UIMC1: variants seen among roughly 807,000 people sequenced by gnomAD.
The protein encoded by UIMC1 is ubiquitin interaction motif containing 1.
A neutral mutation model predicts 84.9 loss-of-function variants in UIMC1; 42 were observed. That is an observed-to-expected ratio of 0.49 (90% CI 0.39 to 0.64). UIMC1 has a LOEUF of 0.64. Among genes scored for constraint, UIMC1 ranks in the 30% least tolerant of loss-of-function variants. The probability of loss-of-function intolerance (pLI) is 0.00; values close to 1 mark genes in which losing one functional copy is unlikely to be tolerated. For synonymous variants in UIMC1, 281 were observed against 293.0 expected (o/e 0.96, Z 0.42); for missense variants, 825 against 847.6 (o/e 0.97, Z 0.33).
At chr5:176,953,530 A>ACACACACACACACACC (rs1486168664) in intron 8 of UIMC1, among the ~76,000 whole-genome samples, 25 of 151,198 alleles carry the variant, frequency 1.7e-4, no homozygotes, top group African/African-American at 5.8e-4. Context: ...ACACACACAC[A>ACACACACACACACACC]CCTTATTGGA....
rs552391441 is a variant in UIMC1 at position 176,941,708 on chromosome 5, G to C, written c.1597+1627C>G. Among the ~76,000 whole-genome samples the C allele has an allele frequency of 5.9e-4, 90 of 152,270 alleles. 1 individual carries two copies. The highest frequency in any genetic ancestry group is 2.0e-3 in the African/African-American group (85 of 41,560). The stretch of plus-strand genomic sequence containing the variant: ...TACATTCAGCATGTTAGACCACAGA[G>C]AGCTGTGCTGACATGACTATATTTA... On this transcript the variant is annotated intron_variant, in intron 10 of 14. Coordinates refer to ENST00000511320, the MANE Select transcript of UIMC1 (RefSeq NM_001199298.2).
At chr5:177,007,623 TTATA>T (rs1775415286), upstream of UIMC1, among the ~76,000 whole-genome samples, 1 of 152,168 alleles carries the variant, frequency 6.6e-6, no homozygotes, top group African/African-American at 2.4e-5. Flanking sequence ...GTGAAATGAT[TTATA>T]TAAATTTAAA....
At chr5:176,954,221 T>A (rs1300888423) in intron 8 of UIMC1, among the ~76,000 whole-genome samples, 1 of 152,196 alleles carries the variant, frequency 6.6e-6, no homozygotes, top group Non-Finnish European at 1.5e-5. Flanking sequence ...CAAGATCCCA[T>A]GGTGATGTCA....
At position 176,941,907 on chromosome 5, in the gene UIMC1, G is replaced by A. The variant is rs185970522; in HGVS notation, c.1597+1428C>T. Reference sequence around the variant, plus strand: ...TGCCCAGGCTGGAGTGCAATGGCACGATCTCGGCTCATTACAACCTCTGCC... The same window carrying A: ...TGCCCAGGCTGGAGTGCAATGGCACAATCTCGGCTCATTACAACCTCTGCC... On this transcript the variant is annotated intron_variant, in intron 10 of 14. Coordinates refer to ENST00000511320, the MANE Select transcript of UIMC1 (RefSeq NM_001199298.2). 1.1e-4 allele frequency among the ~76,000 whole-genome samples: 16 copies of A among 152,076 alleles called. No individual in the cohort carries two copies. In the East Asian group the frequency reaches 2.1e-3, roughly 20 times the overall value.
At chr5:176,912,497 A>C (rs1426301946) in intron 10 of UIMC1, among the ~76,000 whole-genome samples, 1 of 143,910 alleles carries the variant, frequency 6.9e-6, no homozygotes, top group Middle Eastern at 3.4e-3. Context: ...TTTGAGACAT[A>C]GTCTCACTCT....
At chr5:176,988,316 TA>T (rs950701364) in intron 1 of UIMC1, among the ~76,000 whole-genome samples, 2 of 152,014 alleles carry the variant, frequency 1.3e-5, no homozygotes, top group Admixed American at 6.6e-5. Flanking sequence ...TGATAGGATG[TA>T]AAATGGTGTA....
intron 1 of UIMC1, among the ~76,000 whole-genome samples, chr5:176,985,981 G>A (rs1030732150): frequency 6.6e-6 from 1 of 152,116 alleles, no homozygotes; most frequent in African/African-American, 2.4e-5. Context: ...GCTGGGCGCA[G>A]TGGCTCACCC....
chr5:176,922,265 T>C (rs1304790622), intron 10 of UIMC1, among the ~76,000 whole-genome samples: 1 of 152,250 alleles, frequency 6.6e-6, no homozygotes, highest in African/African-American at 2.4e-5. Context: ...GTATCTGCGT[T>C]ATAGTTGCTG....
intron 2 of UIMC1, among the ~76,000 whole-genome samples, chr5:176,979,278 G>T (rs1426161842): frequency 1.3e-5 from 2 of 152,168 alleles, no homozygotes; most frequent in African/African-American, 4.8e-5. Context: ...TGGTAAAACT[G>T]TAAGGAGAAA....
At chr5:176,910,303 T>C (rs1759949976) in intron 11 of UIMC1, among the ~76,000 whole-genome samples, 2 of 152,362 alleles carry the variant, frequency 1.3e-5, no homozygotes, top group Non-Finnish European at 2.9e-5. Context: ...GCTTAGTAAC[T>C]GCTCTAATCT....
intron 1 of UIMC1, among the ~76,000 whole-genome samples, chr5:176,996,677 A>G (rs1045694945): frequency 7.9e-5 from 12 of 152,144 alleles, no homozygotes; most frequent in African/African-American, 2.9e-4. Context: ...CCTACTCCTC[A>G]GTTCAAATCA....
chr5:176,970,973 C>A (rs1488912100), intron 3 of UIMC1, 107 bp from the exon 4 acceptor site: 1 of 1,370,266 alleles, frequency 7.3e-7, no homozygotes, highest in South Asian at 1.4e-5. Flanking sequence ...ACTACCAGAC[C>A]ACTTAGTACA....
intron 8 of UIMC1, among the ~76,000 whole-genome samples, chr5:176,952,597 G>A (rs770120362): frequency 3.7e-4 from 56 of 152,298 alleles, no homozygotes; most frequent in African/African-American, 1.3e-3. Context: ...CAGACTATAC[G>A]GCCCACAGGG....
chr5:176,995,537 C>CAAAAAAAAAA (rs57521139), intron 1 of UIMC1, among the ~76,000 whole-genome samples: 2 of 36,560 alleles, frequency 5.5e-5, no homozygotes, highest in African/African-American at 1.0e-4. Flanking sequence ...ACTCTGTCTC[C>CAAAAAAAAAA]AAAAAAAAAA....
intron 1 of UIMC1, among the ~76,000 whole-genome samples, chr5:176,998,254 A>C (rs1773915846): frequency 6.6e-6 from 1 of 152,068 alleles, no homozygotes; most frequent in Non-Finnish European, 1.5e-5. Flanking sequence ...ATCTGAGGTC[A>C]GGAGTTCGAG....
At chr5:177,004,099 G>A (rs952375256) in intron 1 of UIMC1, among the ~76,000 whole-genome samples, 2 of 152,168 alleles carry the variant, frequency 1.3e-5, no homozygotes, top group African/African-American at 4.8e-5. Context: ...AAAGTGCTGG[G>A]ATTACATGTA....
intron 1 of UIMC1, among the ~76,000 whole-genome samples, chr5:177,016,491 A>G (rs1444651941): frequency 4.0e-5 from 6 of 151,526 alleles, no homozygotes; most frequent in Admixed American, 4.0e-4. Flanking sequence ...AAAGATCGAG[A>G]CCATCCTGGC....
chr5:177,000,955 G>A (rs1000763300), intron 1 of UIMC1, among the ~76,000 whole-genome samples: 3 of 152,010 alleles, frequency 2.0e-5, no homozygotes, highest in Non-Finnish European at 4.4e-5. Context: ...CTCCTATCCT[G>A]TGGGTTGTCT....
chr5:176,961,094 C>A lies in UIMC1; in HGVS notation c.1201-2940G>T, dbSNP rs1197185433. On this transcript the variant is annotated intron_variant, in intron 6 of 14. Coordinates refer to ENST00000511320, the MANE Select transcript of UIMC1 (RefSeq NM_001199298.2). ...GGAGTGTCTCTGCCTGGCCGCCCAT[C>A]GTCTGGGATGTGAGGAGCCCCTCTG... Among the ~76,000 whole-genome samples the A allele has an allele frequency of 5.1e-5, 4 of 78,218 alleles. 1 individual carries two copies. Among genetic ancestry groups the A allele is most frequent in the Non-Finnish European group, 9.4e-5 (4 of 42,754 alleles). 51.3% of individuals were successfully genotyped at this position (78,218 alleles called of 152,430 possible).
Sources: allele counts gnomAD v4.1 joint callset (sites outside exome capture counted in the v4.1 genomes callset), GRCh38; gene constraint gnomAD v4.1.1; transcripts MANE v1.5; gene names NCBI Gene and HGNC (gene_info 2026-07-23, HGNC 2026-07-21).